Variants in KNL1 observed in about 807,000 individuals in gnomAD.
KNL1 encodes outer kinetochore KNL1 complex subunit KNL1.
Under a neutral mutation model 201.3 loss-of-function variants are expected in KNL1, and 66 were observed. The ratio of observed to expected loss-of-function variants is 0.33; its 90% CI spans 0.27 to 0.40. The LOEUF (loss-of-function observed/expected upper bound fraction) is 0.40. Ranked by LOEUF, KNL1 falls within the 10% of genes least tolerant of loss-of-function variation. The pLI, the probability that KNL1 is intolerant of heterozygous loss-of-function variation, is 1.00. For synonymous variants in KNL1, 895 were observed against 899.2 expected, an observed-to-expected ratio of 1.00 and a Z score of 0.08; for missense variants, 2,815 against 2,690.5, an observed-to-expected ratio of 1.05 and a Z score of -1.02.
chr15:40,628,204 C>T lies in KNL1; in HGVS notation c.5511C>T (p.Phe1837=), dbSNP rs1357223553. ...AGGCTGATGGGACCTCTCTGGACTT[C>T]AGCAGTAAGAGCTTCATGAAGGCTA... ...SIKADGTSLD[F]STYRSSQMES... is the part of the protein sequence containing the mutation. The change falls in exon 11 of 26, where the codon TTC becomes TTT. Residue 1837 remains phenylalanine, a synonymous_variant. Transcript: ENST00000399668. The T allele has an allele frequency of 1.3e-6, 2 of 1,592,588 alleles. No homozygotes were observed. Among genetic ancestry groups the T allele is most frequent in the African/African-American group, 1.4e-5 (1 of 73,774 alleles).
At chr15:40,650,907 A>C (rs1753388511) in intron 19 of KNL1, among the ~76,000 whole-genome samples, 1 of 152,152 alleles carries the variant, frequency 6.6e-6, no homozygotes, top group Non-Finnish European at 1.5e-5. Flanking sequence ...TTCAACTGTA[A>C]GTGTAAAAGA....
Position 40,610,256 on chromosome 15 carries a change from C to A in KNL1, c.209C>A (p.Thr70Lys). 2 of 1,494,280 alleles carry A rather than the reference C, an allele frequency of 1.3e-6. No individual in the cohort carries two copies. The highest frequency in any genetic ancestry group is 9.3e-7 in the Non-Finnish European group (1 of 1,072,588). 92.6% of individuals were successfully genotyped at this position (1,494,280 alleles called of 1,614,324 possible). A position where few individuals can be genotyped will look rare whatever the true frequency, so the allele number is the denominator to read the frequency against. ...ATTTTCTCTTCTAGGGTATTCCAGA[C>A]GGAGTCTCATATGAAAATAGTGAGA... ...SFADTIKVFQ[T>K]ESHMKIVRKS... is the part of the protein sequence containing the mutation. The change falls in exon 6 of 26, where the codon ACG becomes AAG. Residue 70 changes from threonine (T) to lysine (K), a missense_variant. By Grantham distance (78) the Thr-to-Lys change is moderately conservative. Coordinates refer to ENST00000399668, the MANE Select transcript of KNL1 (RefSeq NM_144508.5).
At position 40,626,484 on chromosome 15, in the gene KNL1, C is replaced by T. The variant is rs575855842; in HGVS notation, c.5376+844C>T. ...CCACGTCCAGCCTGCATTCTATTTT[C>T]GATAAATATATAGATTATCTGCTAT... is the stretch of plus-strand genomic sequence containing the variant. On this transcript the variant is annotated intron_variant, in intron 10 of 25. Transcript: ENST00000399668. Among the ~76,000 whole-genome samples the T allele has an allele frequency of 1.1e-4, 17 of 151,954 alleles. No homozygotes were observed. The South Asian group carries it at 1.7e-3, about 15-fold the overall frequency.
At chr15:40,637,333 T>C (rs942249498) in intron 13 of KNL1, among the ~76,000 whole-genome samples, 10 of 151,820 alleles carry the variant, frequency 6.6e-5, no homozygotes, top group Admixed American at 2.0e-4. Flanking sequence ...CTTTTTTTTT[T>C]TGTAAATTAA....
chr15:40,633,754 T>C (rs1043965603), intron 13 of KNL1, among the ~76,000 whole-genome samples: 2 of 152,114 alleles, frequency 1.3e-5, no homozygotes, highest in African/African-American at 4.8e-5. Flanking sequence ...TTGACCAGGC[T>C]TGGTCTCAAA....
chr15:40,618,966 C>G lies in KNL1; in HGVS notation c.330C>G (p.Asn110Lys), dbSNP rs998710698. 6.2e-7 allele frequency: 1 copy of G among 1,605,984 alleles called. No individual in the cohort carries two copies. Among genetic ancestry groups the G allele is most frequent in the Non-Finnish European group, 8.5e-7 (1 of 1,173,502 alleles). ...TTTCTTTTTTCTAAATAGGGATGAA[C>G]ACATTGCTTTCTGCTCCCATTCATA... is the stretch of plus-strand genomic sequence containing the variant. ...EDNYCEITGMNTLLSAPIHTQ... is the reference protein window; with the variant it reads ...EDNYCEITGMKTLLSAPIHTQ... Residue 110 changes from asparagine (N) to lysine (K), a missense_variant, in exon 9 of 26, where the codon AAC (asparagine) becomes AAG (lysine). Physicochemically the swap from Asn to Lys is moderately conservative, Grantham distance 94. Transcript: ENST00000399668.
chr15:40,625,905 G>A (rs1042576486), intron 10 of KNL1: 13 of 378,172 alleles, frequency 3.4e-5, no homozygotes, highest in Admixed American at 2.2e-4. Flanking sequence ...AGTTAAAATT[G>A]TATAATTTCA....
intron 10 of KNL1, 51 bp from the exon 11 acceptor site, chr15:40,628,019 G>A (rs755047788): frequency 3.9e-6 from 5 of 1,271,200 alleles, no homozygotes; most frequent in Non-Finnish European, 5.4e-6. Context: ...TTTGTCGTAA[G>A]TATACAGTGT....
chr15:40,602,822 C>T (rs553970742), intron 1 of KNL1, 93 bp from the exon 2 acceptor site: 33 of 692,420 alleles, frequency 4.8e-5, no homozygotes, highest in Non-Finnish European at 7.1e-5. Flanking sequence ...AGAAAGTAAC[C>T]CTGAAGTCAC....
intron 18 of KNL1, 40 bp downstream of exon 18, chr15:40,650,418 A>AG (rs1317475456): frequency 1.9e-6 from 3 of 1,571,488 alleles, no homozygotes; most frequent in African/African-American, 2.7e-5. Flanking sequence ...GTGTGGGGGA[A>AG]GCCCTTCTGT....
intron 13 of KNL1, among the ~76,000 whole-genome samples, chr15:40,632,935 A>G (rs1217263494): frequency 6.6e-6 from 1 of 152,182 alleles, no homozygotes; most frequent in African/African-American, 2.4e-5. Context: ...TTTAAAAATG[A>G]TCAAAGGATC....
intron 2 of KNL1, 22 bp from the exon 3 acceptor site, chr15:40,605,088 T>C: frequency 7.9e-7 from 1 of 1,273,652 alleles, no homozygotes; most frequent in Non-Finnish European, 1.1e-6. Context: ...ACTGTGTATA[T>C]AATTTTGTTT....
chr15:40,621,508 C>A lies in KNL1; in HGVS notation c.1244C>A (p.Ser415Tyr), dbSNP rs1383000424. 8 of 1,613,654 alleles carry A rather than the reference C, an allele frequency of 5.0e-6. No individual in the cohort carries two copies. Among genetic ancestry groups the A allele is most frequent in the Non-Finnish European group, 6.8e-6 (8 of 1,179,816 alleles). ...DARILAMTPESIYSNPSIQGC... is the reference protein window; with the variant it reads ...DARILAMTPEYIYSNPSIQGC... ...AGAATATTAGCCATGACCCCAGAATCTATATATTCTAATCCATCTATTCAA... is the reference window on the plus strand; with the variant it reads ...AGAATATTAGCCATGACCCCAGAATATATATATTCTAATCCATCTATTCAA... Residue 415 changes from serine to tyrosine, a missense_variant, in exon 10 of 26, where the codon TCT (serine) becomes TAT (tyrosine). Coordinates refer to ENST00000399668, the MANE Select transcript of KNL1 (RefSeq NM_144508.5).
chr15:40,609,696 G>A (rs141613032), intron 5 of KNL1, among the ~76,000 whole-genome samples: 42 of 152,258 alleles, frequency 2.8e-4, no homozygotes, highest in African/African-American at 9.6e-4. Context: ...GCCCTAGTAT[G>A]ATACCAGGTA....
intron 13 of KNL1, among the ~76,000 whole-genome samples, chr15:40,635,495 C>T (rs961046811): frequency 5.3e-5 from 8 of 152,148 alleles, no homozygotes; most frequent in African/African-American, 1.7e-4. Context: ...GCTAGGATTA[C>T]AGGCATACAC....
At chr15:40,638,073 C>T (rs1419350857) in intron 13 of KNL1, among the ~76,000 whole-genome samples, 2 of 151,754 alleles carry the variant, frequency 1.3e-5, no homozygotes, top group African/African-American at 2.4e-5. Context: ...CCCAGCTACT[C>T]GGGAGACTGA....
chr15:40,621,117 C>G lies in KNL1; in HGVS notation c.853C>G (p.Gln285Glu). ...AAAAGATGATGGGATGAATTTCACC[C>G]AGTGTCATACAGCCAATATTCAGAC... Reference protein sequence around the residue: ...REKDDGMNFTQCHTANIQTLI... With the variant: ...REKDDGMNFTECHTANIQTLI... Residue 285 changes from glutamine to glutamate, a missense_variant, in exon 10 of 26, where the codon CAG becomes GAG. Physicochemically the swap from Gln to Glu is conservative, Grantham distance 29 (BLOSUM62 2). This residue lies in a region of KNL1 where 2,464 missense variants were observed against 2,291.7 expected (regional missense o/e 1.08). Coordinates refer to ENST00000399668, the MANE Select transcript of KNL1 (RefSeq NM_144508.5). 22 of 1,613,682 alleles carry G rather than the reference C, an allele frequency of 1.4e-5. No homozygotes were observed. Among genetic ancestry groups the G allele is most frequent in the Non-Finnish European group, 1.9e-5 (22 of 1,179,870 alleles).
At chr15:40,631,968 C>T (rs535064168) in intron 13 of KNL1, among the ~76,000 whole-genome samples, 1 of 149,898 alleles carries the variant, frequency 6.7e-6, no homozygotes, top group African/African-American at 2.5e-5. Flanking sequence ...ATGATTGTAC[C>T]ACTGCCCTCC....
chr15:40,602,480 CT>C (rs34192317), intron 1 of KNL1, among the ~76,000 whole-genome samples: 23,296 of 78,598 alleles, frequency 0.3, 1,324 homozygotes, highest in Non-Finnish European at 0.34. Flanking sequence ...TTTTTCCTTC[CT>C]TTTTTTTTTT....
Sources: allele counts gnomAD v4.1 joint callset (sites outside exome capture counted in the v4.1 genomes callset), GRCh38; gene constraint gnomAD v4.1.1; regional missense constraint gnomAD v4.1.1; transcripts MANE v1.5; gene names NCBI Gene and HGNC (gene_info 2026-07-23, HGNC 2026-07-21).